The following GID4 variants were observed in gnomAD, a reference collection of about 807,000 sequenced individuals.
GID4 encodes the protein GID complex subunit 4 homolog.
A neutral mutation model predicts 32.4 loss-of-function variants in GID4; 7 were observed. The observed-to-expected ratio is 0.22, with a 90% CI of 0.12 to 0.41. GID4 has a LOEUF of 0.41. GID4 is among the 10% of genes least tolerant of loss of function. GID4 has a pLI of 1.00. For synonymous variants in GID4, 166 were observed against 170.0 expected (o/e 0.98, Z 0.18); for missense variants, 309 against 400.0 (o/e 0.77, Z 1.94).
chr17:18,039,477 G>C lies in GID4; in HGVS notation c.13G>C (p.Gly5Arg). The change falls in exon 1 of 6, where the codon GGG becomes CGG. Residue 5 changes from glycine (G) to arginine (R), a missense_variant. Gly to Arg is a moderately radical substitution (Grantham distance 125). Coordinates refer to ENST00000268719, the MANE Select transcript of GID4 (RefSeq NM_024052.5). The surrounding 1 kb of genome is among the most constrained non-coding windows in gnomAD (Gnocchi z 5.3). MCAR[G>R]QVGRGTQLRT... Reference sequence around the variant, plus strand: ...TCTGTGTGTGTGTATGTGTGCGCGAGGGCAAGTCGGGAGGGGGACCCAGCT... The same window carrying C: ...TCTGTGTGTGTGTATGTGTGCGCGACGGCAAGTCGGGAGGGGGACCCAGCT... 1 of 1,337,230 alleles carries C rather than the reference G, an allele frequency of 7.5e-7. No homozygotes were observed. Among genetic ancestry groups the C allele is most frequent in the Non-Finnish European group, 9.5e-7 (1 of 1,048,644 alleles). The allele number at this position is 1,337,230 out of a possible 1,614,324, so 82.8% of individuals were successfully genotyped here.
chr17:18,057,489 G>T (rs907134675), intron 3 of GID4: 4 of 152,878 alleles, frequency 2.6e-5, no homozygotes, highest in Admixed American at 1.3e-4. Context: ...ATATCTCTGT[G>T]TCTTGATTTT....
intron 4 of GID4, among the ~76,000 whole-genome samples, chr17:18,060,569 T>C (rs151240506): frequency 1.1e-3 from 167 of 152,252 alleles, no homozygotes; most frequent in African/African-American, 3.9e-3. Flanking sequence ...TTTGTTTGTT[T>C]TGAGACGGAA....
At chr17:18,053,714 G>A (rs987806844) in intron 2 of GID4, among the ~76,000 whole-genome samples, 2 of 152,200 alleles carry the variant, frequency 1.3e-5, no homozygotes, top group Non-Finnish European at 2.9e-5. Flanking sequence ...GAGAACCAGT[G>A]GCTTGAGGGA....
chr17:18,056,721 G>C (rs1294975777), intron 3 of GID4: 2 of 1,550,206 alleles, frequency 1.3e-6, no homozygotes, highest in African/African-American at 1.4e-5. Context: ...AAGATATCTG[G>C]ATCTGCAGAC....
At chr17:18,043,237 A>G (rs937202631) in intron 1 of GID4, among the ~76,000 whole-genome samples, 2 of 152,236 alleles carry the variant, frequency 1.3e-5, no homozygotes, top group African/African-American at 4.8e-5. Context: ...TTCACCAACC[A>G]TTATCAAGAT....
intron 2 of GID4, among the ~76,000 whole-genome samples, chr17:18,051,832 T>C: frequency 6.6e-6 from 1 of 152,140 alleles, no homozygotes; most frequent in Non-Finnish European, 1.5e-5. Flanking sequence ...CCCAGCACTT[T>C]GGGAGGCCGA....
intron 3 of GID4, chr17:18,056,596 CAAA>C (rs764693558): frequency 9.5e-6 from 11 of 1,152,894 alleles, no homozygotes; most frequent in Non-Finnish European, 1.2e-5. Context: ...ATTGGTCCTG[CAAA>C]AAGCAAAGTC....
At chr17:18,044,601 T>G (rs948910699) in intron 1 of GID4, among the ~76,000 whole-genome samples, 6 of 152,224 alleles carry the variant, frequency 3.9e-5, no homozygotes, top group African/African-American at 1.4e-4. Flanking sequence ...CACATAAATC[T>G]TTATAAGATG....
chr17:18,053,573 T>A (rs2044935999), intron 2 of GID4, among the ~76,000 whole-genome samples: 2 of 152,034 alleles, frequency 1.3e-5, no homozygotes, highest in Admixed American at 1.3e-4. Flanking sequence ...ACCGAAATTG[T>A]GCCATTGCAC....
Position 18,039,788 on chromosome 17 carries a change from G to C in GID4, c.324G>C (p.Pro108=). Residue 108 remains proline, a synonymous_variant, in exon 1 of 6, where the codon CCG becomes CCC. Coordinates refer to ENST00000268719, the MANE Select transcript of GID4 (RefSeq NM_024052.5). This position sits in a 1 kb window ranked among gnomAD's most constrained non-coding sequence, Gnocchi z 5.3. The part of the protein sequence containing the change: ...AASAASLIPP[P]PINTQQPGVA... ...CCGCGGCCTCACTCATCCCGCCGCC[G>C]CCCATCAACACCCAGCAGCCCGGCG... is the stretch of plus-strand genomic sequence containing the variant. The C allele has an allele frequency of 6.3e-7, 1 of 1,575,770 alleles. No individual in the cohort carries two copies. Among genetic ancestry groups the C allele is most frequent in the Middle Eastern group, 1.9e-4 (1 of 5,372 alleles).
At chr17:18,057,873 G>T (rs1016531186) in intron 3 of GID4, among the ~76,000 whole-genome samples, 11 of 151,034 alleles carry the variant, frequency 7.3e-5, no homozygotes, top group Non-Finnish European at 7.4e-5. Context: ...TCGCTCTGTT[G>T]CCCATGCTGG....
chr17:18,062,374 C>T (rs1056443362), intron 5 of GID4, among the ~76,000 whole-genome samples: 1 of 152,162 alleles, frequency 6.6e-6, no homozygotes, highest in African/African-American at 2.4e-5. Context: ...TGGCTGCATT[C>T]CTTAGAGTTG....
intron 1 of GID4, among the ~76,000 whole-genome samples, chr17:18,043,919 T>C (rs17804753): frequency 0.016 from 2,510 of 152,360 alleles, 25 homozygotes; most frequent in Middle Eastern, 0.027. Context: ...TGAAACTCCC[T>C]ATTCAGAATG....
intron 5 of GID4, 91 bp downstream of exon 5, chr17:18,062,066 C>T (rs1597699602): frequency 8.1e-7 from 1 of 1,227,334 alleles, no homozygotes; most frequent in East Asian, 2.3e-5. Context: ...AACATCTTAG[C>T]CTGTCTCTGT....
At position 18,045,021 on chromosome 17, in the gene GID4, AG is replaced by A. The variant is rs1457898057; in HGVS notation, c.439-125del. On this transcript the variant is annotated intron_variant, in intron 1 of 5. Transcript: ENST00000268719. ...TTATCAAGATTCCAGAGACTGGGTG[AG>A]CCTTGGACTGCCCTGGGTGTTCACT... The A allele has an allele frequency of 1.2e-5, 7 of 603,344 alleles. No homozygotes were observed. In the African/African-American group the frequency reaches 1.3e-4, roughly 11 times the overall value. The allele number at this position is 603,344 out of a possible 1,614,324, so 37.4% of individuals were successfully genotyped here.
chr17:18,062,936 T>C (rs2045028736), intron 5 of GID4, among the ~76,000 whole-genome samples: 1 of 151,244 alleles, frequency 6.6e-6, no homozygotes, highest in Admixed American at 6.6e-5. Context: ...TAGCCAGGCA[T>C]GGTGACAGGC....
In GID4 at chr17:18,058,931, G is replaced by A. The variant is rs961266678; in HGVS notation, c.670G>A (p.Glu224Lys). 1 of 1,613,320 alleles carries A rather than the reference G, an allele frequency of 6.2e-7. No individual in the cohort carries two copies. Among genetic ancestry groups the A allele is most frequent in the Non-Finnish European group, 8.5e-7 (1 of 1,179,332 alleles). ...SFNSDDFDYE[E>K]LKNGDYVFMR... ...TAACTCAGATGACTTTGATTATGAA[G>A]AGCTGAAGAATGGAGACTACGTCTT... The change falls in exon 4 of 6, where the codon GAG (glutamate) becomes AAG (lysine). Residue 224 changes from glutamate to lysine, a missense_variant. Glu to Lys is a moderately conservative substitution (Grantham distance 56, BLOSUM62 1). This residue lies in a region of GID4 where 116 missense variants were observed against 214.2 expected (regional missense o/e 0.54). Transcript: ENST00000268719.
rs147688157 is a variant in GID4, at chr17:18,061,364, G to A, written c.709-481G>A. ...CAAGCTCTTGGAGGGGGTGTCACAG[G>A]GGCTACTGGCAACTGCTTTGCACTC... On this transcript the variant is annotated intron_variant, in intron 4 of 5. Coordinates refer to ENST00000268719, the MANE Select transcript of GID4 (RefSeq NM_024052.5). This position sits in a 1 kb window ranked among gnomAD's most constrained non-coding sequence, Gnocchi z 4.4. Among the ~76,000 whole-genome samples the A allele has an allele frequency of 4.0e-4, 61 of 152,246 alleles. No individual in the cohort carries two copies. Among genetic ancestry groups the A allele is most frequent in the African/African-American group, 1.4e-3 (60 of 41,522 alleles).
At chr17:18,041,130 C>T (rs374978473) in intron 1 of GID4, among the ~76,000 whole-genome samples, 19 of 152,106 alleles carry the variant, frequency 1.2e-4, no homozygotes, top group African/African-American at 3.9e-4. Context: ...CCTCATCTGC[C>T]AGGCTGTTCC....
Sources: gnomAD v4.1 joint callset for allele counts (sites outside exome capture counted in the v4.1 genomes callset) on GRCh38, gnomAD v4.1.1 for gene constraint, gnomAD v4.1.1 regional missense constraint, Gnocchi (gnomAD v3.1) non-coding constraint, MANE v1.5 for transcripts, NCBI Gene and HGNC (gene_info 2026-07-23, HGNC 2026-07-21) for gene names.